MECR: variants seen among roughly 807,000 people sequenced by gnomAD.
The protein encoded by MECR is enoyl-[acyl-carrier-protein] reductase, mitochondrial.
In MECR, 37 loss-of-function variants were observed where a neutral mutation model predicts 49.1. The ratio of observed to expected loss-of-function variants is 0.75; its 90% CI spans 0.58 to 0.99. The LOEUF is 0.99. MECR is among the 50% of genes least tolerant of loss of function. MECR has a pLI of 0.00. For synonymous variants in MECR, 198 were observed against 191.1 expected (o/e 1.04, Z -0.30); for missense variants, 470 against 479.6 (o/e 0.98, Z 0.19).
In MECR at chr1:29,230,909, T is replaced by A; in HGVS notation, c.-3A>T. 6.3e-7 allele frequency: 1 copy of A among 1,598,350 alleles called. No homozygotes were observed. The highest frequency in any genetic ancestry group is 8.5e-7 in the Non-Finnish European group (1 of 1,176,124). ...CACAGGGTACTGCAGACCCACATGC[T>A]CGCTCCAACCAACACAGAGCCTGAC... is the stretch of plus-strand genomic sequence containing the variant. On this transcript the variant is annotated 5_prime_UTR_variant, in exon 1 of 10. Transcript: ENST00000263702.
Position 29,199,403 on chromosome 1 carries a change from AT to A in MECR, c.830+1112del, listed in dbSNP as rs528727493. ...CCACCACACCTGGCTAATTTTTTGTATTTTTAGTAGACACGGGGTTTCACCG... is the reference window on the plus strand; with the variant it reads ...CCACCACACCTGGCTAATTTTTTGTATTTTAGTAGACACGGGGTTTCACCG... On this transcript the variant is annotated intron_variant, in intron 7 of 9. Transcript: ENST00000263702. 4.4e-3 allele frequency among the ~76,000 whole-genome samples: 655 copies of A among 150,300 alleles called. 5 individuals are homozygous for A. Among genetic ancestry groups the A allele is most frequent in the Middle Eastern group, 0.014 (4 of 286 alleles).
chr1:29,187,972 G>C (rs1673063094), downstream of MECR, among the ~76,000 whole-genome samples: 1 of 134,404 alleles, frequency 7.4e-6, no homozygotes, highest in South Asian at 2.6e-4. Flanking sequence ...AGGAGGCGGA[G>C]CTTGCAGTGA....
chr1:29,226,952 CTTTTTT>C (rs890320572), intron 1 of MECR, among the ~76,000 whole-genome samples: 1 of 99,722 alleles, frequency 1.0e-5, no homozygotes, highest in African/African-American at 3.7e-5. Context: ...TGGGAACTAT[CTTTTTT>C]TTTTTTTTTT....
At chr1:29,202,091 C>T (rs1332754904) in intron 5 of MECR, 46 bp from the exon 6 acceptor site, 1 of 1,527,942 alleles carries the variant, frequency 6.5e-7, no homozygotes, top group Admixed American at 1.7e-5. Flanking sequence ...CAGCTTTTTC[C>T]ACCAAAGCCC....
rs1481753870 is a variant in MECR at position 29,206,823 on chromosome 1, G to A, written c.489C>T (p.Thr163=). Residue 163 remains threonine (T), a synonymous_variant, in exon 4 of 10, where the codon ACC becomes ACT. Coordinates refer to ENST00000263702, the MANE Select transcript of MECR (RefSeq NM_016011.5). ...PSDIPLQSAA[T]LGVNPCTAYR... ...AGGCTGTGCAGGGATTGACACCCAG[G>A]GTGGCAGCGCTCTGAAGAGGGATGT... 5 of 1,614,020 alleles carry A rather than the reference G, an allele frequency of 3.1e-6. No individual in the cohort carries two copies. The highest frequency in any genetic ancestry group is 1.3e-5 in the African/African-American group (1 of 74,894).
chr1:29,229,306 G>A (rs1416796834), intron 1 of MECR, among the ~76,000 whole-genome samples: 2 of 151,908 alleles, frequency 1.3e-5, no homozygotes, highest in Admixed American at 1.3e-4. Context: ...GGGTTCAAGC[G>A]GTTCTCCTGC....
At chr1:29,229,204 GA>G (rs1357717451) in intron 1 of MECR, 1 of 142,246 alleles carries the variant, frequency 7.0e-6, no homozygotes, top group African/African-American at 2.6e-5. Flanking sequence ...CATCTAGCTT[GA>G]TTTTTTTTTT....
chr1:29,223,321 AGG>A (rs1294911528), intron 1 of MECR: 1 of 983,420 alleles, frequency 1.0e-6, no homozygotes, highest in East Asian at 1.1e-4. Flanking sequence ...GCCTTTTGAG[AGG>A]GGGGAAAAGA....
In MECR at chr1:29,193,066, T is replaced by G. The variant is rs1673226604; in HGVS notation, c.*956A>C. 1 of 154,240 alleles carries G rather than the reference T, an allele frequency of 6.5e-6. No individual in the cohort carries two copies. The highest frequency in any genetic ancestry group is 2.4e-5 in the African/African-American group (1 of 41,250). 9.6% of individuals were successfully genotyped at this position (154,240 alleles called of 1,614,324 possible). On this transcript the variant is annotated 3_prime_UTR_variant, in exon 10 of 10. Coordinates refer to ENST00000263702, the MANE Select transcript of MECR (RefSeq NM_016011.5). ...CTCAGGTGATCCTCCCACCTCAACC[T>G]CCCGAGTAGCTGGGACTACAGGTGC...
At chr1:29,198,390 C>T (rs1175424988) in intron 7 of MECR, among the ~76,000 whole-genome samples, 1 of 152,208 alleles carries the variant, frequency 6.6e-6, no homozygotes, top group Non-Finnish European at 1.5e-5. Context: ...TCCACAGGCC[C>T]ACAGCTAGTA....
chr1:29,201,405 G>A lies in MECR; in HGVS notation c.756+538C>T, dbSNP rs755790765. ...TGTTGTGGGGTGGAGGTTCTGGAAG[G>A]TTAAGAGGCTTTGAGTTCGGAGAGA... On this transcript the variant is annotated intron_variant, in intron 6 of 9. Coordinates refer to ENST00000263702, the MANE Select transcript of MECR (RefSeq NM_016011.5). This position sits in a 1 kb window ranked among gnomAD's most constrained non-coding sequence, Gnocchi z 4.3. The A allele has an allele frequency of 5.6e-6, 3 of 532,934 alleles. No homozygotes were observed. The highest frequency in any genetic ancestry group is 1.2e-5 in the Non-Finnish European group (3 of 259,800). 33.0% of individuals were successfully genotyped at this position (532,934 alleles called of 1,614,324 possible).
the MECR span, among the ~76,000 whole-genome samples, chr1:29,175,552 G>A: frequency 3.3e-5 from 5 of 149,824 alleles, no homozygotes; most frequent in African/African-American, 4.9e-5. Flanking sequence ...AAAATTAGCC[G>A]GGAGCGGTGG....
At chr1:29,167,935 CA>C in the MECR span, among the ~76,000 whole-genome samples, 5 of 151,298 alleles carry the variant, frequency 3.3e-5, no homozygotes, top group African/African-American at 1.2e-4. Context: ...TCAAGGAGCT[CA>C]TGAGTGAAGG....
chr1:29,182,163 A>C, the MECR span, among the ~76,000 whole-genome samples: 1 of 152,164 alleles, frequency 6.6e-6, no homozygotes, highest in South Asian at 2.1e-4. Flanking sequence ...CCTAGAGCCC[A>C]GCGAGCGAGC....
At chr1:29,213,662 T>C (rs1180646644) in intron 3 of MECR, among the ~76,000 whole-genome samples, 3 of 152,274 alleles carry the variant, frequency 2.0e-5, no homozygotes, top group Middle Eastern at 3.2e-3. Flanking sequence ...TAGGGTGATA[T>C]GAACCTCAGG....
intron 3 of MECR, among the ~76,000 whole-genome samples, chr1:29,211,837 T>C (rs770404479): frequency 6.6e-6 from 1 of 152,166 alleles, no homozygotes; most frequent in Non-Finnish European, 1.5e-5. Flanking sequence ...TCCCCTGGGA[T>C]TGGCTGCACG....
At chr1:29,226,392 A>G (rs1405291643) in intron 1 of MECR, among the ~76,000 whole-genome samples, 1 of 152,056 alleles carries the variant, frequency 6.6e-6, no homozygotes, top group South Asian at 2.1e-4. Context: ...CAGCGTAGAA[A>G]TTTGGGGTTA....
chr1:29,181,545 C>A, the MECR span: 1 of 1,063,874 alleles, frequency 9.4e-7, no homozygotes, highest in Non-Finnish European at 1.3e-6. Context: ...AGGCCGGTAG[C>A]CGCTCCGCGC....
the MECR span, among the ~76,000 whole-genome samples, chr1:29,183,888 T>G: frequency 2.7e-5 from 4 of 150,202 alleles, no homozygotes; most frequent in East Asian, 7.7e-4. Context: ...TACTTTTTTT[T>G]TTTTTTTTTG....
Sources: gnomAD v4.1 joint callset for allele counts (sites outside exome capture counted in the v4.1 genomes callset) on GRCh38, gnomAD v4.1.1 for gene constraint, Gnocchi (gnomAD v3.1) non-coding constraint, MANE v1.5 for transcripts, NCBI Gene and HGNC (gene_info 2026-07-23, HGNC 2026-07-21) for gene names.